The following RAB6A variants were observed in gnomAD, a reference collection of about 807,000 sequenced individuals.
The protein encoded by RAB6A is RAB6A, member RAS oncogene family.
Under a neutral mutation model 32.3 loss-of-function variants are expected in RAB6A, and 8 were observed. The ratio of observed to expected loss-of-function variants is 0.25; its 90% confidence interval spans 0.15 to 0.45. The LOEUF (loss-of-function observed/expected upper bound fraction) is 0.45, where lower values mean the gene tolerates loss of function less well. Ranked by LOEUF, RAB6A falls within the 20% of genes least tolerant of loss-of-function variation. The pLI, the probability that RAB6A is intolerant of heterozygous loss-of-function variation, is 1.00. For synonymous variants in RAB6A, 73 were observed against 82.1 expected, an observed-to-expected ratio of 0.89 and a Z score of 0.60; for missense variants, 104 against 249.4, an observed-to-expected ratio of 0.42 and a Z score of 3.93.
At chr11:73,725,249 G>T (rs1380941948) in intron 2 of RAB6A, among the ~76,000 whole-genome samples, 4 of 152,220 alleles carry the variant, frequency 2.6e-5, no homozygotes, top group African/African-American at 9.6e-5. Context: ...GAGGAGTACA[G>T]AGTTAGTATG....
At chr11:73,698,890 C>T (rs1296482112) in intron 6 of RAB6A, among the ~76,000 whole-genome samples, 3 of 125,396 alleles carry the variant, frequency 2.4e-5, no homozygotes, top group Non-Finnish European at 3.2e-5. Flanking sequence ...CTTGCTCTGT[C>T]GCCCAGGCTG....
At position 73,707,516 on chromosome 11, in the gene RAB6A, G is replaced by A. The variant is rs1945867204; in HGVS notation, c.402-3C>T. The A allele has an allele frequency of 2.5e-6, 4 of 1,600,122 alleles. No homozygotes were observed. Among genetic ancestry groups the A allele is most frequent in the African/African-American group, 1.3e-5 (1 of 74,660 alleles). On this transcript the variant is annotated splice_polypyrimidine_tract_variant and splice_region_variant and intron_variant, in intron 5 of 7. Transcript: ENST00000336083. ...CTCCCTCCTCAATTGACACTTGCCT[G>A]TAAAGAAACAAACAAACTTCTTACT...
intron 6 of RAB6A, among the ~76,000 whole-genome samples, chr11:73,690,762 G>A (rs568846239): frequency 2.0e-5 from 3 of 150,758 alleles, no homozygotes; most frequent in Non-Finnish European, 3.0e-5. Flanking sequence ...TGAGCCCATG[G>A]TTGGGTCCAG....
At chr11:73,750,744 T>C (rs967340266) in intron 1 of RAB6A, among the ~76,000 whole-genome samples, 6 of 152,234 alleles carry the variant, frequency 3.9e-5, no homozygotes, top group Non-Finnish European at 7.3e-5. Flanking sequence ...GGATACTTGT[T>C]TGCCTCTACC....
At chr11:73,705,211 G>GATATATAAGCAACT (rs1476793959) in intron 6 of RAB6A, among the ~76,000 whole-genome samples, 1 of 151,958 alleles carries the variant, frequency 6.6e-6, no homozygotes, top group African/African-American at 2.4e-5. Flanking sequence ...CCTGTACCAG[G>GATATATAAGCAACT]ATATATAAGC....
intron 6 of RAB6A, among the ~76,000 whole-genome samples, chr11:73,686,678 A>T (rs1945461806): frequency 6.6e-6 from 1 of 152,152 alleles, no homozygotes; most frequent in African/African-American, 2.4e-5. Context: ...AATGGAATAA[A>T]ATTAGGTTTA....
chr11:73,706,573 T>C lies in RAB6A; in HGVS notation c.495+847A>G, dbSNP rs955004705. On this transcript the variant is annotated intron_variant, in intron 6 of 7. Coordinates refer to ENST00000336083, the MANE Select transcript of RAB6A (RefSeq NM_198896.2). ...ATAAATCTGGGACCACTACCCTACA[T>C]GATATACAGCCTTGAAGAGTTAAGC... 7.2e-5 allele frequency among the ~76,000 whole-genome samples: 11 copies of C among 151,994 alleles called. No individual in the cohort carries two copies. In the South Asian group the frequency reaches 8.3e-4, roughly 11 times the overall value.
intron 3 of RAB6A, among the ~76,000 whole-genome samples, chr11:73,719,896 G>A (rs1270789168): frequency 4.6e-5 from 7 of 151,808 alleles, no homozygotes; most frequent in South Asian, 2.1e-4. Context: ...GATTACAGGC[G>A]TGAGCCACCA....
chr11:73,722,940 GGGA>G (rs1279583457), intron 2 of RAB6A, among the ~76,000 whole-genome samples: 1 of 152,066 alleles, frequency 6.6e-6, no homozygotes, highest in Non-Finnish European at 1.5e-5. Context: ...TCAAGTAGCT[GGGA>G]TTACAGGCAT....
At chr11:73,722,356 T>C (rs1946155533) in intron 2 of RAB6A, 2 of 116,412 alleles carry the variant, frequency 1.7e-5, no homozygotes, top group Admixed American at 9.0e-5. Context: ...TTTTTTTTTT[T>C]TTTTTTTTTT....
intron 1 of RAB6A, among the ~76,000 whole-genome samples, chr11:73,738,946 A>AAATAC (rs1369913226): frequency 2.6e-5 from 4 of 151,566 alleles, no homozygotes; most frequent in Non-Finnish European, 5.9e-5. Flanking sequence ...TCCTGTCTCA[A>AAATAC]AAAACAAAAC....
chr11:73,678,628 G>T (rs1271715258), intron 7 of RAB6A, among the ~76,000 whole-genome samples: 1 of 151,826 alleles, frequency 6.6e-6, no homozygotes, highest in Non-Finnish European at 1.5e-5. Context: ...AAAAAAAACG[G>T]CGGTGGGCGC....
rs577175967 is a variant in RAB6A, at chr11:73,677,112, C to T, written c.*786G>A. The T allele has an allele frequency of 1.2e-5, 2 of 167,206 alleles. No homozygotes were observed. The highest frequency in any genetic ancestry group is 4.8e-5 in the African/African-American group (2 of 41,584). The allele number at this position is 167,206 out of a possible 1,614,324, so 10.4% of individuals were successfully genotyped here. On this transcript the variant is annotated 3_prime_UTR_variant, in exon 8 of 8. Transcript: ENST00000336083. ...AATACTAAAAACCTGTTCTGAAGCACTTGGTTAATTTTCTCTCCCAGAGTC... is the reference window on the plus strand; with the variant it reads ...AATACTAAAAACCTGTTCTGAAGCATTTGGTTAATTTTCTCTCCCAGAGTC...
intron 1 of RAB6A, among the ~76,000 whole-genome samples, chr11:73,733,166 C>T (rs980189640): frequency 3.3e-5 from 5 of 152,166 alleles, no homozygotes; most frequent in African/African-American, 1.2e-4. Context: ...GAAGCTGCTT[C>T]TGCTGTTACA....
intron 1 of RAB6A, among the ~76,000 whole-genome samples, chr11:73,742,935 C>T (rs1946521584): frequency 6.6e-6 from 1 of 152,002 alleles, no homozygotes; most frequent in East Asian, 1.9e-4. Flanking sequence ...ACGAGTAAAG[C>T]CCTGACCTGA....
intron 6 of RAB6A, among the ~76,000 whole-genome samples, chr11:73,687,589 A>G (rs755693836): frequency 2.0e-5 from 3 of 152,212 alleles, no homozygotes; most frequent in South Asian, 2.1e-4. Flanking sequence ...ACGGTGGCTC[A>G]TGCCACTCGT....
At chr11:73,743,018 G>GT (rs1565376499) in intron 1 of RAB6A, among the ~76,000 whole-genome samples, 1 of 151,632 alleles carries the variant, frequency 6.6e-6, no homozygotes, top group Non-Finnish European at 1.5e-5. Context: ...AGAAAGCACT[G>GT]TAAGGCCAAG....
At chr11:73,760,378 G>C (rs1946826186) in intron 1 of RAB6A, among the ~76,000 whole-genome samples, 188 bp downstream of exon 1, 1 of 152,144 alleles carries the variant, frequency 6.6e-6, no homozygotes, top group Admixed American at 6.5e-5. Context: ...AAGAACCCGG[G>C]GAACAGGGTA....
chr11:73,708,413 C>T (rs1945885081), intron 5 of RAB6A, among the ~76,000 whole-genome samples: 1 of 152,206 alleles, frequency 6.6e-6, no homozygotes, highest in African/African-American at 2.4e-5. Flanking sequence ...AGGTGATCCA[C>T]CCATCTCAGC....
Sources: allele counts gnomAD v4.1 joint callset (sites outside exome capture counted in the v4.1 genomes callset), GRCh38; gene constraint gnomAD v4.1.1; transcripts MANE v1.5; gene names NCBI Gene and HGNC (gene_info 2026-07-23, HGNC 2026-07-21).